The following TNIP1 variants were observed in gnomAD, a reference collection of about 807,000 sequenced individuals.
TNIP1 encodes the protein TNFAIP3 interacting protein 1.
Under a neutral mutation model 86.6 loss-of-function variants are expected in TNIP1, and 22 were observed. The ratio of observed to expected loss-of-function variants is 0.25; its 90% CI spans 0.18 to 0.36. The LOEUF (loss-of-function observed/expected upper bound fraction) is 0.36, where lower values mean the gene tolerates loss of function less well. Among genes scored for constraint, TNIP1 ranks in the 10% least tolerant of loss-of-function variants. The probability of loss-of-function intolerance (pLI) is 1.00; values close to 1 mark genes in which losing one functional copy is unlikely to be tolerated. For missense variants in TNIP1, 709 were observed against 820.6 expected, an observed-to-expected ratio of 0.86 and a Z score of 1.66; for synonymous variants, 294 against 313.0, an observed-to-expected ratio of 0.94 and a Z score of 0.64.
At chr5:151,061,900 T>C (rs1304445049) in intron 4 of TNIP1, among the ~76,000 whole-genome samples, 1 of 152,230 alleles carries the variant, frequency 6.6e-6, no homozygotes, top group African/African-American at 2.4e-5. Flanking sequence ...GTGAGAAGAA[T>C]TCCTTGTACA....
At chr5:151,049,404 T>C (rs1759607004) in intron 8 of TNIP1, among the ~76,000 whole-genome samples, 1 of 152,140 alleles carries the variant, frequency 6.6e-6, no homozygotes. Context: ...CCCAGGAGCT[T>C]AGCAGAATCC....
intron 7 of TNIP1, among the ~76,000 whole-genome samples, chr5:151,051,715 C>T (rs994519101): frequency 1.5e-4 from 23 of 152,142 alleles, no homozygotes; most frequent in Non-Finnish European, 2.9e-4. Flanking sequence ...GAAGGGAAGG[C>T]GTATAAACTT....
chr5:151,084,300 C>T (rs183287477), upstream of TNIP1, among the ~76,000 whole-genome samples: 1 of 152,140 alleles, frequency 6.6e-6, no homozygotes, highest in African/African-American at 2.4e-5. Flanking sequence ...CAAATATTAG[C>T]CAGGTGTGGT....
At chr5:151,082,858 T>C (rs531567803), upstream of TNIP1, among the ~76,000 whole-genome samples, 1 of 152,312 alleles carries the variant, frequency 6.6e-6, no homozygotes, top group East Asian at 1.9e-4. Context: ...CCTCTTCCAT[T>C]CTTTGAAGTC....
intron 12 of TNIP1, 129 bp downstream of exon 12, chr5:151,038,968 A>T: frequency 1.5e-6 from 2 of 1,296,938 alleles, no homozygotes; most frequent in South Asian, 3.1e-5. Context: ...CAGGCGGGAA[A>T]CAGGATGCCA....
intron 1 of TNIP1, among the ~76,000 whole-genome samples, chr5:151,069,129 C>G (rs1175150207): frequency 2.0e-5 from 3 of 152,232 alleles, no homozygotes; most frequent in Non-Finnish European, 4.4e-5. Context: ...AGGAGCCACC[C>G]ACTAGCAGGC....
upstream of TNIP1, among the ~76,000 whole-genome samples, chr5:151,084,492 T>C (rs1038757782): frequency 3.3e-5 from 5 of 151,622 alleles, no homozygotes; most frequent in Non-Finnish European, 7.4e-5. Context: ...AGTCTTTTCA[T>C]TGTAGGGCTG....
At chr5:151,044,006 T>A (rs1326561600) in intron 9 of TNIP1, among the ~76,000 whole-genome samples, 1 of 151,962 alleles carries the variant, frequency 6.6e-6, no homozygotes, top group Non-Finnish European at 1.5e-5. Context: ...ATAAAAAAAA[T>A]TACAAAGAAT....
upstream of TNIP1, among the ~76,000 whole-genome samples, chr5:151,081,884 T>G (rs1764054003): frequency 6.6e-6 from 1 of 152,346 alleles, no homozygotes; most frequent in South Asian, 2.1e-4. Context: ...GAAAGCTTTT[T>G]AAAAGCTTAT....
At chr5:151,082,999 G>C (rs568409511), upstream of TNIP1, among the ~76,000 whole-genome samples, 36 of 147,530 alleles carry the variant, frequency 2.4e-4, no homozygotes, top group African/African-American at 8.4e-4. Flanking sequence ...CACACATTGA[G>C]TGACACAACC....
chr5:151,067,493 G>C (rs1457382322), intron 1 of TNIP1, among the ~76,000 whole-genome samples: 1 of 152,216 alleles, frequency 6.6e-6, no homozygotes, highest in East Asian at 1.9e-4. Flanking sequence ...GTGAAACAGA[G>C]GGCTACAAGG....
intron 3 of TNIP1, 96 bp downstream of exon 3, chr5:151,063,517 G>C: frequency 6.6e-7 from 1 of 1,523,678 alleles, no homozygotes; most frequent in Non-Finnish European, 9.0e-7. Context: ...ATAAACGAGA[G>C]AATGTGGGTT....
chr5:151,063,580 G>T (rs1348691635), intron 3 of TNIP1, 33 bp downstream of exon 3: 1 of 1,609,880 alleles, frequency 6.2e-7, no homozygotes, highest in Non-Finnish European at 8.5e-7. Context: ...TGGGGTACAG[G>T]GAGAGTCAGA....
intron 5 of TNIP1, among the ~76,000 whole-genome samples, chr5:151,059,866 T>TGTGCGC (rs142393672): frequency 4.2e-4 from 35 of 82,686 alleles, no homozygotes; most frequent in Non-Finnish European, 5.7e-4. Context: ...TGTGTGTGTG[T>TGTGCGC]GCGCGCGCGC....
chr5:151,046,215 C>G, intron 8 of TNIP1: 2 of 496,810 alleles, frequency 4.0e-6, no homozygotes, highest in Non-Finnish European at 7.4e-6. Context: ...GTCATTCTCC[C>G]TGTTTAGGTA....
At chr5:151,083,124 A>G (rs1764144384), upstream of TNIP1, among the ~76,000 whole-genome samples, 2 of 152,232 alleles carry the variant, frequency 1.3e-5, no homozygotes, top group South Asian at 4.1e-4. Flanking sequence ...CACCACTGTC[A>G]TAAACACAGG....
At chr5:151,071,614 A>T (rs1435564069) in intron 1 of TNIP1, among the ~76,000 whole-genome samples, 1 of 151,994 alleles carries the variant, frequency 6.6e-6, no homozygotes, top group African/African-American at 2.4e-5. Context: ...CTCCCATAAG[A>T]GCTTTCATAG....
rs1042272715 is a variant in TNIP1, at chr5:151,071,040, C to T, written c.-36-5909G>A. Among the ~76,000 whole-genome samples the T allele has an allele frequency of 4.6e-5, 7 of 151,488 alleles. 1 individual carries two copies. Among genetic ancestry groups the T allele is most frequent in the East Asian group, 1.9e-4 (1 of 5,198 alleles). Reference sequence around the variant, plus strand: ...CTATGCCTGTTAGGGGTGGGGGGGGCGCAGTATATGTAAAATCTCTGTACC... The same window carrying T: ...CTATGCCTGTTAGGGGTGGGGGGGGTGCAGTATATGTAAAATCTCTGTACC... On this transcript the variant is annotated intron_variant, in intron 1 of 17. Transcript: ENST00000521591.
chr5:151,075,802 T>C (rs1336692027), intron 1 of TNIP1, among the ~76,000 whole-genome samples: 1 of 152,048 alleles, frequency 6.6e-6, no homozygotes, highest in East Asian at 1.9e-4. Context: ...GCCTGGCCAA[T>C]GCTCTGCCCA....
Sources: gnomAD v4.1 joint callset for allele counts (sites outside exome capture counted in the v4.1 genomes callset) on GRCh38, gnomAD v4.1.1 for gene constraint, MANE v1.5 for transcripts, NCBI Gene and HGNC (gene_info 2026-07-23, HGNC 2026-07-21) for gene names.